The following TFEC variants were observed in gnomAD, a reference collection of about 807,000 sequenced individuals.
TFEC encodes the protein class E basic helix-loop-helix protein 34.
In TFEC, 31 loss-of-function variants were observed where a neutral mutation model predicts 41.6. That is an observed-to-expected ratio of 0.74 (90% CI 0.56 to 1.01). TFEC has a LOEUF of 1.01. Among genes scored for constraint, TFEC ranks in the 50% least tolerant of loss-of-function variants. The pLI, the probability that TFEC is intolerant of heterozygous loss-of-function variation, is 0.00. For missense variants in TFEC, 402 were observed against 404.1 expected (o/e 0.99, Z 0.04); for synonymous variants, 143 against 140.6 (o/e 1.02, Z -0.12).
chr7:115,948,892 A>C (rs1294659899), intron 6 of TFEC, among the ~76,000 whole-genome samples: 2 of 150,950 alleles, frequency 1.3e-5, no homozygotes, highest in Admixed American at 1.3e-4. Context: ...TCAATTAGGA[A>C]AAGAGGAAGT....
intron 3 of TFEC, among the ~76,000 whole-genome samples, chr7:115,961,110 G>C (rs1792522619): frequency 6.6e-6 from 1 of 151,644 alleles, no homozygotes; most frequent in Non-Finnish European, 1.5e-5. Context: ...AAAATAATCA[G>C]TAATGCTACA....
intron 1 of TFEC, among the ~76,000 whole-genome samples, chr7:115,997,851 C>T (rs139877120): frequency 2.0e-5 from 3 of 151,826 alleles, no homozygotes; most frequent in Non-Finnish European, 4.4e-5. Context: ...ATTCATCAAG[C>T]AGAAGAAAGA....
chr7:115,964,960 T>C (rs933755327), intron 3 of TFEC, among the ~76,000 whole-genome samples: 9 of 151,704 alleles, frequency 5.9e-5, no homozygotes, highest in African/African-American at 2.2e-4. Context: ...GCCCAATGCA[T>C]GGTAGACTAG....
chr7:116,093,843 C>T (rs1047420561), intron 3 of TFEC, among the ~76,000 whole-genome samples: 1 of 152,084 alleles, frequency 6.6e-6, no homozygotes, highest in African/African-American at 2.4e-5. Context: ...ACCTGACCCA[C>T]CAAAAAATCA....
intron 3 of TFEC, among the ~76,000 whole-genome samples, chr7:116,045,735 T>C (rs796932046): frequency 6.6e-6 from 1 of 152,180 alleles, no homozygotes; most frequent in African/African-American, 2.4e-5. Flanking sequence ...ACGGTCACCA[T>C]CCTCAAGACC....
At position 115,984,371 on chromosome 7, in the gene TFEC, G is replaced by A; in HGVS notation, c.71C>T (p.Pro24Leu). 6.2e-7 allele frequency: 1 copy of A among 1,614,160 alleles called. No homozygotes were observed. Among genetic ancestry groups the A allele is most frequent in the Non-Finnish European group, 8.5e-7 (1 of 1,179,996 alleles). Residue 24 changes from proline (P) to leucine (L), a missense_variant, in exon 2 of 8, where the codon CCT becomes CTT. Transcript: ENST00000265440. ...AGTTGTGTGTGCATGCTGCACAAGA[G>A]GCCCACCACTTGGCACTGCAGGTTG... The part of the protein sequence containing the change: ...WSQPAVPSGG[P>L]LVQHAHTTLD...
In TFEC at chr7:115,964,305, A is replaced by G. The variant is rs542732569; in HGVS notation, c.268-7512T>C. ...TCTGAACTAGATACTTTTATGGGGA[A>G]AAGTATCATATTTTCAAGAAATATA... On this transcript the variant is annotated intron_variant, in intron 3 of 7. Coordinates refer to ENST00000265440, the MANE Select transcript of TFEC (RefSeq NM_012252.4). Among the ~76,000 whole-genome samples the G allele has an allele frequency of 2.0e-5, 3 of 151,716 alleles. No individual in the cohort carries two copies. In the East Asian group the frequency reaches 5.8e-4, roughly 30 times the overall value.
chr7:116,114,542 C>A (rs1007865303), intron 1 of TFEC, among the ~76,000 whole-genome samples: 1 of 151,864 alleles, frequency 6.6e-6, no homozygotes, highest in African/African-American at 2.4e-5. Context: ...GTTCTGGATG[C>A]TGAGGGCATC....
Position 115,936,502 on chromosome 7 carries a change from T to C in TFEC, c.*4049A>G, listed in dbSNP as rs1793234514. ...GACGGTCAGTAAATACCTAAAGTGT[T>C]TGAATAGGGTCAAAGACATTGTAAA... is the stretch of plus-strand genomic sequence containing the variant. On this transcript the variant is annotated 3_prime_UTR_variant, in exon 8 of 8. Coordinates refer to ENST00000265440, the MANE Select transcript of TFEC (RefSeq NM_012252.4). 1 of 151,638 alleles carries C rather than the reference T, an allele frequency of 6.6e-6. No individual in the cohort carries two copies. Among genetic ancestry groups the C allele is most frequent in the African/African-American group, 2.4e-5 (1 of 41,398 alleles). The allele number at this position is 151,638 out of a possible 1,614,324, so 9.4% of individuals were successfully genotyped here. A position where few individuals can be genotyped will look rare whatever the true frequency, so the allele number is the denominator to read the frequency against.
At chr7:116,019,557 T>A (rs1474457084) in intron 1 of TFEC, among the ~76,000 whole-genome samples, 2 of 152,222 alleles carry the variant, frequency 1.3e-5, no homozygotes, top group African/African-American at 4.8e-5. Context: ...TAATTTGGTT[T>A]CTAAATGTTT....
At chr7:116,057,495 C>T (rs1323551483) in intron 3 of TFEC, among the ~76,000 whole-genome samples, 3 of 151,852 alleles carry the variant, frequency 2.0e-5, no homozygotes, top group Non-Finnish European at 4.4e-5. Flanking sequence ...TCATCACCAG[C>T]ATACCCATAC....
intron 3 of TFEC, chr7:115,968,362 T>C (rs574777538): frequency 1.0e-5 from 14 of 1,385,808 alleles, no homozygotes; most frequent in African/African-American, 2.9e-5. Flanking sequence ...GTCTAGATTG[T>C]GATTGACAAA....
chr7:116,100,128 T>G (rs367665480), intron 3 of TFEC, among the ~76,000 whole-genome samples: 136 of 152,328 alleles, frequency 8.9e-4, no homozygotes, highest in Non-Finnish European at 1.6e-3. Context: ...TAAAAGTTAA[T>G]AAATTCAGAG....
intron 3 of TFEC, among the ~76,000 whole-genome samples, chr7:116,070,144 A>G (rs1387835326): frequency 1.3e-5 from 2 of 151,180 alleles, no homozygotes; most frequent in African/African-American, 2.4e-5. Flanking sequence ...CTATATATGT[A>G]TATGTGTGTG....
chr7:116,129,257 A>G (rs9641558), intron 1 of TFEC, among the ~76,000 whole-genome samples: 56,182 of 151,788 alleles, frequency 0.37, 10,650 homozygotes, highest in East Asian at 0.59. Context: ...TATACTCAGG[A>G]GACAGTGGTT....
intron 1 of TFEC, among the ~76,000 whole-genome samples, chr7:116,153,370 C>T (rs185218269): frequency 6.6e-6 from 1 of 152,288 alleles, no homozygotes; most frequent in Admixed American, 6.5e-5. Flanking sequence ...TCTCCTGCCT[C>T]CGCTTCCTGA....
intron 3 of TFEC, among the ~76,000 whole-genome samples, chr7:116,064,388 T>A (rs1324284422): frequency 1.3e-5 from 2 of 150,734 alleles, no homozygotes; most frequent in African/African-American, 2.4e-5. Flanking sequence ...AAATAAAAAA[T>A]TAATTATTTT....
Position 115,971,938 on chromosome 7 carries a change from T to C in TFEC, c.267+2232A>G, listed in dbSNP as rs1277832748. On this transcript the variant is annotated intron_variant, in intron 3 of 7. Coordinates refer to ENST00000265440, the MANE Select transcript of TFEC (RefSeq NM_012252.4). ...ATTCCTTTCATGCTTAAGCCCCTTA[T>C]GAGTCAGGTTAACCACCTGCAACCA... Among the ~76,000 whole-genome samples the C allele has an allele frequency of 2.6e-5, 4 of 152,090 alleles. No homozygotes were observed. In the East Asian group the frequency reaches 7.7e-4, roughly 29 times the overall value.
At position 115,950,984 on chromosome 7, in the gene TFEC, TA is replaced by T. The variant is rs539742262; in HGVS notation, c.440-36del. ...AAGAAATATTATTGATTATTCTCAT[TA>T]ATGCACAGTTCACTTTTGGTCAGCT... On this transcript the variant is annotated intron_variant, in intron 5 of 7. Transcript: ENST00000265440. The T allele has an allele frequency of 6.5e-5, 87 of 1,343,628 alleles. No homozygotes were observed. The African/African-American group carries it at 1.1e-3, about 17-fold the overall frequency. 83.2% of individuals were successfully genotyped at this position (1,343,628 alleles called of 1,614,324 possible).
Sources: allele counts gnomAD v4.1 joint callset (sites outside exome capture counted in the v4.1 genomes callset), GRCh38; gene constraint gnomAD v4.1.1; transcripts MANE v1.5; gene names NCBI Gene and HGNC (gene_info 2026-07-23, HGNC 2026-07-21).